Variants in TUBB8B observed in about 807,000 individuals in gnomAD.
TUBB8B encodes the protein HSA18p11 beta-tubulin 4Q pseudogene.
In TUBB8B, 26 loss-of-function variants were observed where a neutral mutation model predicts 31.9. The ratio of observed to expected loss-of-function variants is 0.81; its 90% CI spans 0.60 to 1.13. TUBB8B has a LOEUF of 1.13. Ranked by LOEUF, TUBB8B falls within the 50% of genes most tolerant of loss-of-function variation. The pLI, the probability that TUBB8B is intolerant of heterozygous loss-of-function variation, is 0.00. For synonymous variants in TUBB8B, 173 were observed against 231.0 expected (o/e 0.75, Z 2.28); for missense variants, 467 against 586.7 (o/e 0.80, Z 2.11).
chr18:70,289 C>T, the TUBB8B span, among the ~76,000 whole-genome samples: 4 of 152,246 alleles, frequency 2.6e-5, no homozygotes, highest in Non-Finnish European at 1.5e-5. Flanking sequence ...TTTAAATATA[C>T]TGATTACCAT....
chr18:64,077 C>A, the TUBB8B span, among the ~76,000 whole-genome samples: 15 of 151,366 alleles, frequency 9.9e-5, no homozygotes, highest in South Asian at 1.5e-3. Flanking sequence ...CCAACACTAA[C>A]CCCTAACCCT....
At chr18:52,050 A>C (rs189906276), upstream of TUBB8B, among the ~76,000 whole-genome samples, 1 of 151,678 alleles carries the variant, frequency 6.6e-6, no homozygotes, top group Admixed American at 6.6e-5. Context: ...TCACACTTTC[A>C]TAAATATTCT....
At chr18:72,317 T>A in the TUBB8B span, among the ~76,000 whole-genome samples, 1 of 152,148 alleles carries the variant, frequency 6.6e-6, no homozygotes, top group Non-Finnish European at 1.5e-5. Context: ...AAAAAAAGAT[T>A]AGTGACTTTC....
At chr18:58,799 GA>G in the TUBB8B span, among the ~76,000 whole-genome samples, 4 of 151,624 alleles carry the variant, frequency 2.6e-5, no homozygotes, top group Non-Finnish European at 5.9e-5. Context: ...ATAAATACCT[GA>G]GACTGGGTAA....
At chr18:68,391 T>C in the TUBB8B span, among the ~76,000 whole-genome samples, 1 of 152,150 alleles carries the variant, frequency 6.6e-6, no homozygotes. Context: ...ACAGACCCAT[T>C]TCACTTCACT....
At chr18:67,926 C>T in the TUBB8B span, among the ~76,000 whole-genome samples, 4 of 152,250 alleles carry the variant, frequency 2.6e-5, no homozygotes, top group South Asian at 6.2e-4. Flanking sequence ...ATATGATGCA[C>T]ACAATACAGA....
At chr18:63,255 T>C in the TUBB8B span, among the ~76,000 whole-genome samples, 1 of 151,888 alleles carries the variant, frequency 6.6e-6, no homozygotes, top group Non-Finnish European at 1.5e-5. Context: ...AGTCTGGGCT[T>C]CTTTGTGCCC....
At chr18:57,829 G>C in the TUBB8B span, among the ~76,000 whole-genome samples, 6 of 151,974 alleles carry the variant, frequency 3.9e-5, no homozygotes, top group African/African-American at 1.4e-4. Context: ...TTGAAGTAAA[G>C]GTGGAGGCTC....
chr18:51,735 GGA>G (rs1491162942), upstream of TUBB8B, among the ~76,000 whole-genome samples: 14 of 151,724 alleles, frequency 9.2e-5, no homozygotes. Context: ...TTTATAAAGG[GGA>G]GTTTCCCTAC....
the TUBB8B span, among the ~76,000 whole-genome samples, chr18:62,443 G>A: frequency 1.4e-5 from 2 of 140,656 alleles, no homozygotes; most frequent in Admixed American, 1.5e-4. Flanking sequence ...TTTTTTGACA[G>A]AGTCTCGCTC....
chr18:48,892 A>G (rs781375300), intron 3 of TUBB8B, 48 bp downstream of exon 3: 3 of 1,323,112 alleles, frequency 2.3e-6, no homozygotes, highest in Non-Finnish European at 3.3e-6. Context: ...CTGGATTTTG[A>G]GCTGCCCTGG....
At chr18:51,150 C>T (rs1032366407), upstream of TUBB8B, among the ~76,000 whole-genome samples, 2 of 151,856 alleles carry the variant, frequency 1.3e-5, no homozygotes, top group Non-Finnish European at 2.9e-5. Flanking sequence ...AATAGCATAT[C>T]TAGCCCTCCT....
chr18:62,112 T>C, the TUBB8B span, among the ~76,000 whole-genome samples: 8 of 151,816 alleles, frequency 5.3e-5, no homozygotes, highest in African/African-American at 1.9e-4. Context: ...GATACATTAT[T>C]CTAAAGTAAA....
the TUBB8B span, among the ~76,000 whole-genome samples, chr18:57,067 C>T: frequency 1.3e-5 from 2 of 151,806 alleles, no homozygotes; most frequent in Non-Finnish European, 2.9e-5. Flanking sequence ...CCACTTCCAA[C>T]ATTGAGGATT....
At chr18:69,388 C>T in the TUBB8B span, among the ~76,000 whole-genome samples, 5 of 152,176 alleles carry the variant, frequency 3.3e-5, no homozygotes, top group South Asian at 4.1e-4. Context: ...GGCTTGAGCC[C>T]GGGAGGATGC....
chr18:65,459 A>G, the TUBB8B span, among the ~76,000 whole-genome samples: 1 of 152,198 alleles, frequency 6.6e-6, no homozygotes, highest in Non-Finnish European at 1.5e-5. Flanking sequence ...TCAAATAAAC[A>G]GAATAAAGAA....
the TUBB8B span, among the ~76,000 whole-genome samples, chr18:56,800 G>C: frequency 6.6e-6 from 1 of 151,904 alleles, no homozygotes; most frequent in Admixed American, 6.6e-5. Flanking sequence ...TTGGCTCATG[G>C]TTCTACAGGC....
At position 49,588 on chromosome 18, in the gene TUBB8B, G is replaced by A. The variant is rs112442950; in HGVS notation, c.-31C>T. ...AGGCAGGATTAGGGCGGCAGCAGAA[G>A]CGCGAGAAGGAGGAGCAGACGCGCA... On this transcript the variant is annotated 5_prime_UTR_variant, in exon 1 of 4. Transcript: ENST00000308911. 0.49 allele frequency: 355,567 copies of A among 719,020 alleles called. 103,075 individuals are homozygous for A. Among genetic ancestry groups the A allele is most frequent in the East Asian group, 0.97 (33,550 of 34,526 alleles). 44.5% of individuals were successfully genotyped at this position (719,020 alleles called of 1,614,324 possible). A position where few individuals can be genotyped will look rare whatever the true frequency, so the allele number is the denominator to read the frequency against.
the TUBB8B span, among the ~76,000 whole-genome samples, chr18:70,517 T>C: frequency 2.8e-3 from 420 of 152,178 alleles, no homozygotes; most frequent in Middle Eastern, 0.01. Flanking sequence ...ACACTTGTAG[T>C]CCCAGCTACT....
Sources: gnomAD v4.1 joint callset for allele counts (sites outside exome capture counted in the v4.1 genomes callset) on GRCh38, gnomAD v4.1.1 for gene constraint, MANE v1.5 for transcripts, NCBI Gene and HGNC (gene_info 2026-07-23, HGNC 2026-07-21) for gene names.